CPM: variants seen among roughly 807,000 people sequenced by gnomAD.
The protein encoded by CPM is renal carboxypeptidase.
Under a neutral mutation model 46.4 loss-of-function variants are expected in CPM, and 35 were observed. The observed-to-expected ratio is 0.75, with a 90% CI of 0.58 to 1.00. The LOEUF is 1.00. Among genes scored for constraint, CPM ranks in the 50% least tolerant of loss-of-function variants. The probability of loss-of-function intolerance (pLI) is 0.00; values close to 1 mark genes in which losing one functional copy is unlikely to be tolerated. For synonymous variants in CPM, 195 were observed against 195.3 expected (o/e 1.00, Z 0.01); for missense variants, 422 against 530.4 (o/e 0.80, Z 2.01).
chr12:68,941,531 G>T (rs1012133223), intron 1 of CPM, among the ~76,000 whole-genome samples: 3 of 151,874 alleles, frequency 2.0e-5, no homozygotes, highest in African/African-American at 7.3e-5. Context: ...GTACCACCAC[G>T]CATGGCTATT....
At chr12:68,865,995 ACT>A (rs1885426649) in intron 7 of CPM, among the ~76,000 whole-genome samples, 1 of 151,882 alleles carries the variant, frequency 6.6e-6, no homozygotes, top group African/African-American at 2.4e-5. Context: ...GAAAGCTATC[ACT>A]CTCTGCCACA....
At chr12:68,906,071 G>A (rs1887333821) in intron 2 of CPM, among the ~76,000 whole-genome samples, 1 of 152,218 alleles carries the variant, frequency 6.6e-6, no homozygotes, top group Admixed American at 6.5e-5. Flanking sequence ...TACCCTTGCA[G>A]TGCACCAGGC....
chr12:68,955,410 C>T (rs1357951305), intron 1 of CPM, among the ~76,000 whole-genome samples: 4 of 152,068 alleles, frequency 2.6e-5, no homozygotes, highest in Admixed American at 1.3e-4. Flanking sequence ...GTGTCACAGC[C>T]CTGGGTTCAG....
At chr12:68,870,645 G>C (rs1010815095) in intron 4 of CPM, among the ~76,000 whole-genome samples, 9 of 152,236 alleles carry the variant, frequency 5.9e-5, no homozygotes, top group Non-Finnish European at 1.2e-4. Flanking sequence ...GGTTTGATAA[G>C]TGTTTGTATT....
intron 3 of CPM, among the ~76,000 whole-genome samples, chr12:68,877,354 A>G (rs1249053233): frequency 1.3e-5 from 2 of 152,208 alleles, no homozygotes; most frequent in Non-Finnish European, 2.9e-5. Context: ...AATAATTGCT[A>G]ATAAACTACT....
intron 1 of CPM, among the ~76,000 whole-genome samples, chr12:68,940,361 A>G (rs1888742016): frequency 6.6e-6 from 1 of 151,872 alleles, no homozygotes; most frequent in South Asian, 2.1e-4. Flanking sequence ...TTACAAATGT[A>G]TAATGGCATG....
intron 2 of CPM, among the ~76,000 whole-genome samples, chr12:68,929,589 A>G (rs1409105508): frequency 6.6e-6 from 1 of 152,188 alleles, no homozygotes; most frequent in East Asian, 1.9e-4. Context: ...AGCTGGGTAT[A>G]GATGTGTTTA....
chr12:68,886,361 G>T (rs1011393133), intron 2 of CPM, among the ~76,000 whole-genome samples: 1 of 151,734 alleles, frequency 6.6e-6, no homozygotes, highest in South Asian at 2.1e-4. Flanking sequence ...GGCCAGGCAC[G>T]GTGGCTCACG....
At chr12:68,843,773 G>A (rs2136189799) in intron 5 of CPM, 1 of 222,858 alleles carries the variant, frequency 4.5e-6, no homozygotes, top group East Asian at 6.5e-5. Context: ...GGTCCTCCAA[G>A]CATTATTTGG....
chr12:68,914,116 A>G (rs1216446631), intron 2 of CPM: 2 of 516,206 alleles, frequency 3.9e-6, no homozygotes, highest in African/African-American at 3.9e-5. Flanking sequence ...TCAGTATACT[A>G]TGGCCTGAAG....
chr12:68,904,492 T>C (rs111364753), intron 2 of CPM, among the ~76,000 whole-genome samples: 142 of 152,130 alleles, frequency 9.3e-4, no homozygotes, highest in Non-Finnish European at 1.4e-3. Flanking sequence ...AGTCAAATGG[T>C]TGGGCTTCAG....
intron 8 of CPM, 83 bp from the exon 9 acceptor site, chr12:68,856,762 A>T: frequency 6.5e-7 from 1 of 1,532,052 alleles, no homozygotes; most frequent in African/African-American, 1.4e-5. Flanking sequence ...ATCCATCACT[A>T]AAATGCAGCC....
At chr12:68,938,943 G>A (rs1326751440) in intron 1 of CPM, among the ~76,000 whole-genome samples, 1 of 147,316 alleles carries the variant, frequency 6.8e-6, no homozygotes, top group East Asian at 1.9e-4. Context: ...ATAAATATGT[G>A]TATATATCTA....
At chr12:68,877,300 C>A (rs186995999) in intron 3 of CPM, among the ~76,000 whole-genome samples, 2 of 152,252 alleles carry the variant, frequency 1.3e-5, no homozygotes, top group Admixed American at 1.3e-4. Flanking sequence ...TCCCTGTGTT[C>A]TTGGTGTAGC....
intron 2 of CPM, among the ~76,000 whole-genome samples, chr12:68,925,259 T>C (rs1436597031): frequency 6.6e-6 from 1 of 152,188 alleles, no homozygotes; most frequent in Admixed American, 6.5e-5. Context: ...AAAACAGCTT[T>C]AGACTTAGTA....
intron 2 of CPM, among the ~76,000 whole-genome samples, chr12:68,896,283 C>T (rs1172934823): frequency 6.6e-6 from 1 of 152,178 alleles, no homozygotes; most frequent in African/African-American, 2.4e-5. Context: ...AGCCCCATCC[C>T]CTACCACCCT....
In CPM at chr12:68,932,769, G is replaced by A. The variant is rs1044380847; in HGVS notation, c.69C>T (p.His23=). 1 of 1,614,070 alleles carries A rather than the reference G, an allele frequency of 6.2e-7. No individual in the cohort carries two copies. Among genetic ancestry groups the A allele is most frequent in the Non-Finnish European group, 8.5e-7 (1 of 1,180,040 alleles). The part of the protein sequence containing the change: ...PLVAALDFNY[H]RQEGMEAFLK... ...AAAACGCTTCCATCCCTTCCTGGCG[G>A]TGGTAGTTGAAATCCAGCGCAGCTA... Residue 23 remains histidine (H), a synonymous_variant, in exon 2 of 9, where the codon CAC becomes CAT. Coordinates refer to ENST00000551568, the MANE Select transcript of CPM (RefSeq NM_198320.5).
At chr12:68,845,338 T>TA (rs1884201953) in intron 5 of CPM, 2 of 212,130 alleles carry the variant, frequency 9.4e-6, no homozygotes, top group Non-Finnish European at 1.9e-5. Context: ...TTGAGGTAGA[T>TA]ATCTGAAAGC....
At chr12:68,889,012 T>C (rs923020586) in intron 2 of CPM, among the ~76,000 whole-genome samples, 4 of 152,198 alleles carry the variant, frequency 2.6e-5, no homozygotes, top group Non-Finnish European at 5.9e-5. Flanking sequence ...TGAGGTGTCT[T>C]TCCCACATCA....
Sources: gnomAD v4.1 joint callset for allele counts (sites outside exome capture counted in the v4.1 genomes callset) on GRCh38, gnomAD v4.1.1 for gene constraint, MANE v1.5 for transcripts, NCBI Gene and HGNC (gene_info 2026-07-23, HGNC 2026-07-21) for gene names.